Variants in HSD17B4 observed in about 807,000 individuals in gnomAD.
The protein encoded by HSD17B4 is hydroxysteroid 17-beta dehydrogenase 4.
A neutral mutation model predicts 101.0 loss-of-function variants in HSD17B4; 70 were observed. The ratio of observed to expected loss-of-function variants is 0.69; its 90% CI spans 0.57 to 0.85. The LOEUF (loss-of-function observed/expected upper bound fraction) is 0.85, where lower values mean the gene tolerates loss of function less well. Among genes scored for constraint, HSD17B4 ranks in the 40% least tolerant of loss-of-function variants. The probability of loss-of-function intolerance (pLI) is 0.00; values close to 1 mark genes in which losing one functional copy is unlikely to be tolerated. For missense variants in HSD17B4, 984 were observed against 892.4 expected, an observed-to-expected ratio of 1.10 and a Z score of -1.31; for synonymous variants, 347 against 297.1, an observed-to-expected ratio of 1.17 and a Z score of -1.73.
At chr5:119,541,576 G>C (rs917158619) in intron 23 of HSD17B4, among the ~76,000 whole-genome samples, 1 of 152,138 alleles carries the variant, frequency 6.6e-6, no homozygotes, top group Non-Finnish European at 1.5e-5. Flanking sequence ...TAGGAATACA[G>C]TGTAGCCTTT....
chr5:119,459,215 G>A (rs1754969139), intron 2 of HSD17B4, among the ~76,000 whole-genome samples: 1 of 152,166 alleles, frequency 6.6e-6, no homozygotes, highest in South Asian at 2.1e-4. Context: ...TTTGAAGTCA[G>A]GCCAAGTTTT....
chr5:119,531,427 T>C lies in HSD17B4; in HGVS notation c.1993+23T>C. On this transcript the variant is annotated intron_variant, in intron 22 of 23. Transcript: ENST00000510025. ...GGAGTAAGTTATAGCCCTGATTTTATAATATTCTAAGGTAATTCTTAGTAA... is the reference window on the plus strand; with the variant it reads ...GGAGTAAGTTATAGCCCTGATTTTACAATATTCTAAGGTAATTCTTAGTAA... 5 of 1,601,588 alleles carry C rather than the reference T, an allele frequency of 3.1e-6. No individual in the cohort carries two copies. The South Asian group carries it at 5.5e-5, about 18-fold the overall frequency.
chr5:119,478,858 A>C lies in HSD17B4; in HGVS notation c.459A>C (p.Ser153=), dbSNP rs749090911. 4.3e-6 allele frequency: 7 copies of C among 1,613,454 alleles called. No homozygotes were observed. The highest frequency in any genetic ancestry group is 5.9e-6 in the Non-Finnish European group (7 of 1,179,514). Residue 153 remains serine, a synonymous_variant, in exon 8 of 24, where the codon TCA becomes TCC. Coordinates refer to ENST00000510025, the MANE Select transcript of HSD17B4 (RefSeq NM_000414.4). ...YGRIIMTSSA[S]GIYGNFGQAN... Reference sequence around the variant, plus strand: ...GGATTATTATGACTTCATCAGCTTCAGGAATATATGGCAACTTTGGCCAGG... The same window carrying C: ...GGATTATTATGACTTCATCAGCTTCCGGAATATATGGCAACTTTGGCCAGG...
At chr5:119,522,074 T>C (rs1165038984) in intron 17 of HSD17B4, among the ~76,000 whole-genome samples, 1 of 152,166 alleles carries the variant, frequency 6.6e-6, no homozygotes, top group East Asian at 1.9e-4. Context: ...CTCCTAATGA[T>C]ATCCCTCCCT....
chr5:119,539,921 C>G (rs1329451340), intron 23 of HSD17B4, among the ~76,000 whole-genome samples: 1 of 16,934 alleles, frequency 5.9e-5, no homozygotes. Context: ...CCTGTCTCTA[C>G]CAAAAAAAAA....
chr5:119,542,070 A>G lies in HSD17B4; in HGVS notation c.*76A>G, dbSNP rs1404812034. The G allele has an allele frequency of 1.6e-5, 16 of 984,862 alleles. No individual in the cohort carries two copies. Among genetic ancestry groups the G allele is most frequent in the East Asian group, 2.4e-5 (1 of 41,184 alleles). 61.0% of individuals were successfully genotyped at this position (984,862 alleles called of 1,614,324 possible). On this transcript the variant is annotated 3_prime_UTR_variant, in exon 24 of 24. Coordinates refer to ENST00000510025, the MANE Select transcript of HSD17B4 (RefSeq NM_000414.4). ...CCCAAATATGCTTGATTATTCTGCAAAAGTGATTAGAACTAAGATGCAGGG... is the reference window on the plus strand; with the variant it reads ...CCCAAATATGCTTGATTATTCTGCAGAAGTGATTAGAACTAAGATGCAGGG...
chr5:119,494,264 A>G (rs781664353), intron 11 of HSD17B4, among the ~76,000 whole-genome samples: 4 of 151,950 alleles, frequency 2.6e-5, no homozygotes, highest in Non-Finnish European at 5.9e-5. Flanking sequence ...AAAGTCTTCC[A>G]TTACCTACCT....
At chr5:119,502,552 C>T (rs1751271502) in intron 14 of HSD17B4, among the ~76,000 whole-genome samples, 1 of 150,672 alleles carries the variant, frequency 6.6e-6, no homozygotes, top group Non-Finnish European at 1.5e-5. Flanking sequence ...ATCATTTTTA[C>T]TTTTCTCAAA....
chr5:119,537,755 A>G (rs1754651885), intron 23 of HSD17B4, among the ~76,000 whole-genome samples: 1 of 152,158 alleles, frequency 6.6e-6, no homozygotes, highest in South Asian at 2.1e-4. Context: ...GTAGCCATAG[A>G]GAATATGTAA....
intron 8 of HSD17B4, among the ~76,000 whole-genome samples, chr5:119,483,340 C>T (rs943588303): frequency 6.6e-6 from 1 of 151,970 alleles, no homozygotes; most frequent in Non-Finnish European, 1.5e-5. Context: ...GGTGGTTTGC[C>T]CTGTGACCTG....
At chr5:119,521,164 G>A (rs1360038202) in intron 17 of HSD17B4, among the ~76,000 whole-genome samples, 1 of 152,154 alleles carries the variant, frequency 6.6e-6, no homozygotes, top group Non-Finnish European at 1.5e-5. Flanking sequence ...TACTTGAAGG[G>A]ACAGCATTGT....
intron 15 of HSD17B4, 131 bp downstream of exon 15, chr5:119,507,020 AT>A (rs1032393090): frequency 1.8e-6 from 1 of 562,552 alleles, no homozygotes; most frequent in South Asian, 2.0e-5. Context: ...CAAGATAAGC[AT>A]TTTTAAACTC....
chr5:119,499,776 G>T, intron 13 of HSD17B4: 1 of 322,318 alleles, frequency 3.1e-6, no homozygotes, highest in South Asian at 6.0e-5. Context: ...AGTATGTGTA[G>T]TCCCATAACC....
At chr5:119,534,544 G>A (rs1010187930) in intron 22 of HSD17B4, among the ~76,000 whole-genome samples, 10 of 152,028 alleles carry the variant, frequency 6.6e-5, no homozygotes, top group African/African-American at 2.2e-4. Flanking sequence ...GATACCATGT[G>A]ATCATTAAAA....
At chr5:119,483,500 A>C (rs1482912057) in intron 8 of HSD17B4, among the ~76,000 whole-genome samples, 3 of 152,176 alleles carry the variant, frequency 2.0e-5, no homozygotes, top group African/African-American at 7.2e-5. Context: ...CCATATCATG[A>C]ACATTTTCCC....
chr5:119,514,922 G>T, intron 16 of HSD17B4, 59 bp from the exon 17 acceptor site: 1 of 975,372 alleles, frequency 1.0e-6, no homozygotes, highest in Non-Finnish European at 1.7e-6. Context: ...TGTGAGTTTG[G>T]TTAAAGAGAA....
chr5:119,474,089 G>A, intron 3 of HSD17B4, 74 bp downstream of exon 3: 1 of 863,396 alleles, frequency 1.2e-6, no homozygotes, highest in Non-Finnish European at 1.9e-6. Context: ...TAATCTTTGA[G>A]CAAATATCTC....
intron 10 of HSD17B4, chr5:119,493,579 T>C: frequency 2.2e-6 from 1 of 459,762 alleles, no homozygotes; most frequent in Non-Finnish European, 4.0e-6. Context: ...TTTAGTACTG[T>C]CTGGCATAGT....
Position 119,496,570 on chromosome 5 carries a change from T to C in HSD17B4, c.896T>C (p.Leu299Pro). 4.4e-6 allele frequency: 7 copies of C among 1,591,972 alleles called. No homozygotes were observed. The highest frequency in any genetic ancestry group is 6.0e-6 in the Non-Finnish European group (7 of 1,159,916). Residue 299 changes from leucine (L) to proline (P), a missense_variant, in exon 12 of 24, where the codon CTG (leucine) becomes CCG (proline). By Grantham distance (98) the Leu-to-Pro change is moderately conservative. Transcript: ENST00000510025. Reference protein sequence around the residue: ...QESTGSIIEVLSKIDSEGGVS... With the variant: ...QESTGSIIEVPSKIDSEGGVS... The stretch of plus-strand genomic sequence containing the variant: ...TCAACTGGCAGTATAATTGAAGTTC[T>C]GAGTAAAATAGATTCAGAAGGAGGA...
Sources: gnomAD v4.1 joint callset for allele counts (sites outside exome capture counted in the v4.1 genomes callset) on GRCh38, gnomAD v4.1.1 for gene constraint, MANE v1.5 for transcripts, NCBI Gene and HGNC (gene_info 2026-07-23, HGNC 2026-07-21) for gene names.